The following NHSL1 variants were observed in gnomAD, a reference collection of about 807,000 sequenced individuals.
NHSL1 encodes the protein NHS-like protein 1.
NHSL1 carries 48 observed loss-of-function variants against 95.0 expected under a neutral mutation model. That is an observed-to-expected ratio of 0.51 (90% CI 0.40 to 0.64). NHSL1 has a LOEUF of 0.64. Among genes scored for constraint, NHSL1 ranks in the 30% least tolerant of loss-of-function variants. The pLI is 0.00. For missense variants in NHSL1, 1,971 were observed against 2,077.7 expected, an observed-to-expected ratio of 0.95 and a Z score of 1.00; for synonymous variants, 783 against 833.9, an observed-to-expected ratio of 0.94 and a Z score of 1.05.
upstream of NHSL1, among the ~76,000 whole-genome samples, chr6:138,499,840 G>T (rs1780578308): frequency 6.6e-6 from 1 of 151,972 alleles, no homozygotes; most frequent in Non-Finnish European, 1.5e-5. Context: ...ATTTAGGGGG[G>T]AAAAAAACCA....
intron 2 of NHSL1, among the ~76,000 whole-genome samples, chr6:138,476,956 C>CT (rs1239880097): frequency 9.8e-6 from 1 of 102,024 alleles, no homozygotes; most frequent in Non-Finnish European, 1.9e-5. Flanking sequence ...CTCCCTGAAT[C>CT]TAAAAAAAAA....
intron 1 of NHSL1, among the ~76,000 whole-genome samples, chr6:138,671,220 G>A (rs1389446083): frequency 6.6e-6 from 1 of 152,088 alleles, no homozygotes; most frequent in Non-Finnish European, 1.5e-5. Context: ...ACTTTGGGAG[G>A]CCGAGGCGGG....
intron 1 of NHSL1, among the ~76,000 whole-genome samples, chr6:138,551,744 TA>T (rs1320691039): frequency 6.6e-6 from 1 of 152,178 alleles, no homozygotes; most frequent in Non-Finnish European, 1.5e-5. Flanking sequence ...GAAACTGATT[TA>T]AAACCAGTCT....
chr6:138,683,967 T>C (rs9376360), intron 1 of NHSL1, among the ~76,000 whole-genome samples: 20,377 of 152,186 alleles, frequency 0.13, 1,691 homozygotes, highest in East Asian at 0.37. Flanking sequence ...TCCTAGCATT[T>C]TGGGAGGCCA....
intron 1 of NHSL1, among the ~76,000 whole-genome samples, chr6:138,629,904 T>A (rs1261772755): frequency 2.0e-5 from 3 of 152,222 alleles, no homozygotes; most frequent in African/African-American, 7.2e-5. Flanking sequence ...ACATTACATA[T>A]TTTTCAGATT....
intron 1 of NHSL1, among the ~76,000 whole-genome samples, chr6:138,669,913 G>A (rs1785341869): frequency 6.6e-6 from 1 of 152,076 alleles, no homozygotes; most frequent in Non-Finnish European, 1.5e-5. Context: ...CCGAGGTCAG[G>A]AGTTTGAGAC....
intron 1 of NHSL1, among the ~76,000 whole-genome samples, chr6:138,508,921 C>A (rs1562337419): frequency 6.6e-6 from 1 of 152,148 alleles, no homozygotes; most frequent in African/African-American, 2.4e-5. Context: ...TGTTATACAG[C>A]CCTAATCCAT....
intron 2 of NHSL1, among the ~76,000 whole-genome samples, chr6:138,481,560 G>C (rs1490029819): frequency 1.3e-5 from 2 of 152,166 alleles, no homozygotes; most frequent in Non-Finnish European, 2.9e-5. Flanking sequence ...GCATATCAAA[G>C]AGGTGAAAAG....
At chr6:138,464,428 G>A (rs938072571) in intron 3 of NHSL1, 19 of 335,374 alleles carry the variant, frequency 5.7e-5, no homozygotes, top group Non-Finnish European at 9.9e-5. Context: ...GGATGGGAGC[G>A]CTGCAGAAGA....
At chr6:138,564,349 C>T (rs538249553) in intron 1 of NHSL1, among the ~76,000 whole-genome samples, 1 of 152,036 alleles carries the variant, frequency 6.6e-6, no homozygotes, top group East Asian at 1.9e-4. Context: ...TGATCCATCA[C>T]TGTTTTTAGA....
chr6:138,611,943 C>CT (rs1784518943), intron 1 of NHSL1, among the ~76,000 whole-genome samples: 1 of 151,378 alleles, frequency 6.6e-6, no homozygotes, highest in African/African-American at 2.4e-5. Context: ...AACTCCATCT[C>CT]TACTAAAAAT....
At chr6:138,598,236 A>C (rs1237803331) in intron 1 of NHSL1, among the ~76,000 whole-genome samples, 1 of 152,146 alleles carries the variant, frequency 6.6e-6, no homozygotes, top group Non-Finnish European at 1.5e-5. Flanking sequence ...AGGTAGATGG[A>C]TCACTTGAGG....
At chr6:138,670,230 C>T (rs1000051555) in intron 1 of NHSL1, among the ~76,000 whole-genome samples, 2 of 152,110 alleles carry the variant, frequency 1.3e-5, no homozygotes, top group African/African-American at 2.4e-5. Context: ...AACACTCAGA[C>T]CTTCCAAGCA....
intron 2 of NHSL1, among the ~76,000 whole-genome samples, chr6:138,491,746 T>A (rs955790566): frequency 3.9e-5 from 6 of 152,190 alleles, no homozygotes; most frequent in Admixed American, 3.9e-4. Flanking sequence ...AAATGTTGAG[T>A]ATCTCTTATC....
intron 3 of NHSL1, among the ~76,000 whole-genome samples, chr6:138,460,248 C>T (rs1222636407): frequency 6.6e-6 from 1 of 151,824 alleles, no homozygotes; most frequent in African/African-American, 2.4e-5. Context: ...TTATGGTAAT[C>T]ACTCTGATAA....
Position 138,431,827 on chromosome 6 carries a change from C to T in NHSL1, c.2518G>A (p.Glu840Lys). ...GSVKPKIMSP[E>K]KSHRVISPSS... ...GGAGAAATGACTCTGTGTGACTTCT[C>T]TGGTGACATGATCTTTGGTTTGACT... Residue 840 changes from glutamate (E) to lysine (K), a missense_variant, in exon 6 of 8, where the codon GAG becomes AAG. Glu to Lys is a moderately conservative substitution (Grantham distance 56). Transcript: ENST00000343505. The surrounding 1 kb of genome is among the most constrained non-coding windows in gnomAD (Gnocchi z 4.0). 1.3e-6 allele frequency: 2 copies of T among 1,551,680 alleles called. No individual in the cohort carries two copies. Among genetic ancestry groups the T allele is most frequent in the Non-Finnish European group, 1.7e-6 (2 of 1,146,994 alleles).
At chr6:138,603,199 G>GT (rs947661162) in intron 1 of NHSL1, among the ~76,000 whole-genome samples, 1 of 152,022 alleles carries the variant, frequency 6.6e-6, no homozygotes, top group Admixed American at 6.6e-5. Context: ...ATTCTGAGGG[G>GT]TTTTTTTAAA....
rs566111097 is a variant in NHSL1 at position 138,687,505 on chromosome 6, C to T, written c.96+4971G>A. On this transcript the variant is annotated intron_variant, in intron 1 of 3. Transcript: ENST00000491526. Reference sequence around the variant, plus strand: ...CTACTGTGTCTGCCAAATTCTCAGTCCTGTTTATGCAAAGACTGTATTTGC... The same window carrying T: ...CTACTGTGTCTGCCAAATTCTCAGTTCTGTTTATGCAAAGACTGTATTTGC... Among the ~76,000 whole-genome samples the T allele has an allele frequency of 4.4e-4, 67 of 152,236 alleles. 1 individual carries two copies. In the South Asian group the frequency reaches 0.013, roughly 30 times the overall value.
intron 1 of NHSL1, among the ~76,000 whole-genome samples, chr6:138,633,372 C>T (rs949202639): frequency 2.6e-5 from 4 of 152,010 alleles, no homozygotes; most frequent in Non-Finnish European, 4.4e-5. Context: ...TGGGTTTAAC[C>T]CAAAAAGACC....
Sources: allele counts gnomAD v4.1 joint callset (sites outside exome capture counted in the v4.1 genomes callset), GRCh38; gene constraint gnomAD v4.1.1; non-coding constraint Gnocchi (gnomAD v3.1); transcripts MANE v1.5; gene names NCBI Gene and HGNC (gene_info 2026-07-23, HGNC 2026-07-21).